Variants in FHIP1A observed in about 807,000 individuals in gnomAD.
FHIP1A encodes the protein FHF complex subunit HOOK-interacting protein 1A.
A neutral mutation model predicts 88.6 loss-of-function variants in FHIP1A; 61 were observed. The observed-to-expected ratio is 0.69, with a 90% CI of 0.56 to 0.85. The LOEUF (loss-of-function observed/expected upper bound fraction) is 0.85, where lower values mean the gene tolerates loss of function less well. Ranked by LOEUF, FHIP1A falls within the 40% of genes least tolerant of loss-of-function variation. The pLI is 0.00. For synonymous variants in FHIP1A, 478 were observed against 496.0 expected, an observed-to-expected ratio of 0.96 and a Z score of 0.48; for missense variants, 1,154 against 1,273.5, an observed-to-expected ratio of 0.91 and a Z score of 1.43.
chr4:151,444,389 G>A (rs1433747270), intron 1 of FHIP1A, among the ~76,000 whole-genome samples: 1 of 152,050 alleles, frequency 6.6e-6, no homozygotes, highest in African/African-American at 2.4e-5. Flanking sequence ...ATATACATAA[G>A]TACATGTATA....
intron 2 of FHIP1A, among the ~76,000 whole-genome samples, chr4:151,482,079 G>T (rs1227851896): frequency 6.6e-6 from 1 of 152,144 alleles, no homozygotes; most frequent in African/African-American, 2.4e-5. Context: ...AGAGGTCAAA[G>T]TTACTCAGAA....
chr4:151,498,172 A>G (rs1730528456), intron 3 of FHIP1A, among the ~76,000 whole-genome samples: 1 of 152,206 alleles, frequency 6.6e-6, no homozygotes, highest in African/African-American at 2.4e-5. Context: ...GTAGTCCTAA[A>G]TAAAATCTTT....
chr4:151,586,271 T>A (rs1387288009), intron 5 of FHIP1A, among the ~76,000 whole-genome samples: 1 of 152,156 alleles, frequency 6.6e-6, no homozygotes, highest in African/African-American at 2.4e-5. Flanking sequence ...TATAGGATAC[T>A]GTTTATGAAT....
intron 7 of FHIP1A, among the ~76,000 whole-genome samples, chr4:151,628,113 G>A (rs1736020949): frequency 6.6e-6 from 1 of 152,178 alleles, no homozygotes; most frequent in Non-Finnish European, 1.5e-5. Flanking sequence ...GCCACAGAGA[G>A]CTCTTTACAG....
At chr4:151,444,903 A>C (rs938641025) in intron 1 of FHIP1A, among the ~76,000 whole-genome samples, 6 of 152,184 alleles carry the variant, frequency 3.9e-5, no homozygotes, top group Non-Finnish European at 8.8e-5. Flanking sequence ...GGTATTTCTC[A>C]CACCAACCAA....
intron 7 of FHIP1A, among the ~76,000 whole-genome samples, chr4:151,625,015 C>A (rs1333337704): frequency 9.2e-5 from 14 of 152,242 alleles, no homozygotes; most frequent in Admixed American, 9.2e-4. Context: ...CTGCAAGGAG[C>A]CTTTCCAGCT....
intron 1 of FHIP1A, among the ~76,000 whole-genome samples, chr4:151,453,151 G>C (rs551177866): frequency 6.6e-6 from 1 of 151,906 alleles, no homozygotes; most frequent in East Asian, 1.9e-4. Flanking sequence ...CGAGTAGCTG[G>C]ATTACAGGCG....
chr4:151,504,572 G>GT (rs749117211), intron 3 of FHIP1A, among the ~76,000 whole-genome samples: 1 of 114,358 alleles, frequency 8.7e-6, no homozygotes, highest in Non-Finnish European at 2.0e-5. Flanking sequence ...TTTATGTTAT[G>GT]TTATGTTATG....
intron 1 of FHIP1A, among the ~76,000 whole-genome samples, chr4:151,426,367 A>G (rs1350278979): frequency 1.3e-5 from 2 of 152,126 alleles, no homozygotes; most frequent in Non-Finnish European, 2.9e-5. Flanking sequence ...TCTGTTCATA[A>G]AAATTAGGTA....
chr4:151,431,144 G>T (rs1475065156), intron 1 of FHIP1A, among the ~76,000 whole-genome samples: 1 of 152,020 alleles, frequency 6.6e-6, no homozygotes, highest in Non-Finnish European at 1.5e-5. Context: ...TGCTTTTTTG[G>T]TAAATAAGCC....
Position 151,629,791 on chromosome 4 carries a change from C to T in FHIP1A, c.1068C>T (p.Leu356=). ...AGCCAGCACTACTTGAGATCTTCCT[C>T]CGTTTTATCCTATTGCACCAGCACG... is the stretch of plus-strand genomic sequence containing the variant. The part of the protein sequence containing the change: ...ISEPALLEIF[L]RFILLHQHEN... Residue 356 remains leucine (L), a synonymous_variant, in exon 8 of 14, where the codon CTC becomes CTT. Transcript: ENST00000435205. The T allele has an allele frequency of 6.4e-7, 1 of 1,551,502 alleles. No individual in the cohort carries two copies.
intron 2 of FHIP1A, among the ~76,000 whole-genome samples, chr4:151,471,710 C>T (rs753393599): frequency 4.5e-4 from 68 of 151,754 alleles, no homozygotes; most frequent in Non-Finnish European, 7.9e-4. Context: ...TTTGGTGCAC[C>T]CATCACCTGA....
chr4:151,614,275 C>T (rs1187180323), intron 7 of FHIP1A, among the ~76,000 whole-genome samples: 1 of 151,988 alleles, frequency 6.6e-6, no homozygotes, highest in Non-Finnish European at 1.5e-5. Context: ...TTAAGACCAT[C>T]CTGGGCAACA....
chr4:151,419,344 GTC>G (rs1733026167), intron 1 of FHIP1A, among the ~76,000 whole-genome samples: 1 of 152,282 alleles, frequency 6.6e-6, no homozygotes, highest in South Asian at 2.1e-4. Context: ...TTATGTTATT[GTC>G]TCTCTTGGGT....
chr4:151,528,499 C>A (rs1731762555), intron 3 of FHIP1A, among the ~76,000 whole-genome samples: 1 of 152,116 alleles, frequency 6.6e-6, no homozygotes, highest in African/African-American at 2.4e-5. Flanking sequence ...ATAAATGATA[C>A]ATGGAAAGGG....
intron 3 of FHIP1A, among the ~76,000 whole-genome samples, chr4:151,505,634 G>A (rs555964218): frequency 2.5e-4 from 38 of 152,234 alleles, no homozygotes; most frequent in Admixed American, 7.8e-4. Flanking sequence ...CACAAAAAGA[G>A]AAAAATCTTT....
chr4:151,456,817 G>A (rs919178712), intron 2 of FHIP1A, among the ~76,000 whole-genome samples: 1 of 151,562 alleles, frequency 6.6e-6, no homozygotes, highest in African/African-American at 2.4e-5. Context: ...AAAATAATGA[G>A]TTGGATTCAT....
chr4:151,610,482 G>A (rs1735280471), intron 7 of FHIP1A, among the ~76,000 whole-genome samples: 1 of 152,148 alleles, frequency 6.6e-6, no homozygotes, highest in Admixed American at 6.5e-5. Flanking sequence ...GGTTTATTAG[G>A]AGAAATAACT....
intron 11 of FHIP1A, among the ~76,000 whole-genome samples, chr4:151,652,524 AAG>A (rs1737066646): frequency 6.6e-6 from 1 of 152,232 alleles, no homozygotes; most frequent in Admixed American, 6.5e-5. Flanking sequence ...TGATCCCCTG[AAG>A]TTTGGCAGGT....
Sources: gnomAD v4.1 joint callset for allele counts (sites outside exome capture counted in the v4.1 genomes callset) on GRCh38, gnomAD v4.1.1 for gene constraint, MANE v1.5 for transcripts, NCBI Gene and HGNC (gene_info 2026-07-23, HGNC 2026-07-21) for gene names.